Variants in ZNG1E observed in about 807,000 individuals in gnomAD.
ZNG1E encodes the protein Zn regulated GTPase metalloprotein activator 1E.
chr9:65,681,321 G>A, the ZNG1E span, among the ~76,000 whole-genome samples: 7 of 152,240 alleles, frequency 4.6e-5, no homozygotes, highest in Non-Finnish European at 8.8e-5. Flanking sequence ...CAAGTAAGAG[G>A]CCTAAGGAGG....
At chr9:65,691,624 GTTTGA>G in the ZNG1E span, among the ~76,000 whole-genome samples, 3 of 152,254 alleles carry the variant, frequency 2.0e-5, no homozygotes, top group Admixed American at 1.3e-4. Flanking sequence ...ATCCTCTGTT[GTTTGA>G]TTTATGTCCT....
the ZNG1E span, among the ~76,000 whole-genome samples, chr9:65,659,509 AAAAAAGAGAGAGAAAAGAATTCCAACC>A: frequency 6.6e-6 from 1 of 151,098 alleles, no homozygotes; most frequent in African/African-American, 2.5e-5. Flanking sequence ...AAAAAAAAAA[AAAAAAGAGAGAGAAAAGAATTCCAACC>A]CAGAATTCTC....
chr9:65,693,710 A>G, the ZNG1E span, among the ~76,000 whole-genome samples: 2 of 151,456 alleles, frequency 1.3e-5, no homozygotes, highest in African/African-American at 4.8e-5. Flanking sequence ...GGTGCACACC[A>G]CCATGCCCAG....
At chr9:65,720,036 T>A in the ZNG1E span, 2 of 1,598,204 alleles carry the variant, frequency 1.3e-6, no homozygotes, top group African/African-American at 2.9e-5. Context: ...ATCAGTTGTT[T>A]TTAGTTTGCA....
At chr9:65,657,778 T>C in the ZNG1E span, among the ~76,000 whole-genome samples, 2 of 152,288 alleles carry the variant, frequency 1.3e-5, no homozygotes, top group African/African-American at 4.8e-5. Context: ...ACCATTTACC[T>C]GAATTTGGTT....
chr9:65,676,884 A>G, the ZNG1E span, among the ~76,000 whole-genome samples: 1 of 147,136 alleles, frequency 6.8e-6, no homozygotes, highest in Non-Finnish European at 1.5e-5. Context: ...GAACAAATAT[A>G]TGACTGTATT....
At chr9:65,709,691 T>C in the ZNG1E span, among the ~76,000 whole-genome samples, 1 of 138,654 alleles carries the variant, frequency 7.2e-6, no homozygotes, top group Non-Finnish European at 1.5e-5. Flanking sequence ...CTCATCCTTT[T>C]TTATGGCTGC....
chr9:65,693,897 A>C, the ZNG1E span, among the ~76,000 whole-genome samples: 44 of 151,014 alleles, frequency 2.9e-4, no homozygotes, highest in African/African-American at 9.5e-4. Flanking sequence ...TTTTTCCCAA[A>C]TCTTTGCTGA....
the ZNG1E span, among the ~76,000 whole-genome samples, chr9:65,680,719 G>A: frequency 6.6e-6 from 1 of 152,220 alleles, no homozygotes; most frequent in Non-Finnish European, 1.5e-5. Flanking sequence ...TAGATAACAA[G>A]CATTTCAAAT....
the ZNG1E span, chr9:65,703,664 A>T: frequency 1.1e-6 from 1 of 948,246 alleles, no homozygotes; most frequent in Non-Finnish European, 1.2e-6. Context: ...GGCAGCCAGG[A>T]GCTCTGAGGC....
the ZNG1E span, among the ~76,000 whole-genome samples, chr9:65,659,540 AATT>A: frequency 6.6e-6 from 1 of 151,698 alleles, no homozygotes; most frequent in African/African-American, 2.4e-5. Flanking sequence ...TCCAACCCAG[AATT>A]CTCAACTTCA....
At chr9:65,662,045 T>C in the ZNG1E span, among the ~76,000 whole-genome samples, 1 of 152,240 alleles carries the variant, frequency 6.6e-6, no homozygotes, top group Non-Finnish European at 1.5e-5. Flanking sequence ...ACAGTAATTT[T>C]CTTGTGGCAG....
At chr9:65,654,731 A>C in the ZNG1E span, among the ~76,000 whole-genome samples, 1 of 142,602 alleles carries the variant, frequency 7.0e-6, no homozygotes, top group East Asian at 2.0e-4. Context: ...CACATTAGGG[A>C]TGAAATTTCA....
the ZNG1E span, among the ~76,000 whole-genome samples, chr9:65,717,028 T>TA: frequency 1.3e-5 from 2 of 151,968 alleles, no homozygotes; most frequent in African/African-American, 4.9e-5. Flanking sequence ...TAAAAATTCT[T>TA]ATAAATTGTG....
chr9:65,684,764 C>T, the ZNG1E span, among the ~76,000 whole-genome samples: 5 of 152,298 alleles, frequency 3.3e-5, no homozygotes, highest in African/African-American at 9.6e-5. Context: ...TTAATAAGCC[C>T]TTCAGGTGAT....
the ZNG1E span, among the ~76,000 whole-genome samples, chr9:65,728,053 C>CT: frequency 2.0e-5 from 3 of 149,478 alleles, no homozygotes; most frequent in African/African-American, 7.4e-5. Flanking sequence ...ATCAAGCACT[C>CT]TCTCAGACCA....
chr9:65,717,750 C>T, the ZNG1E span, among the ~76,000 whole-genome samples: 27 of 147,948 alleles, frequency 1.8e-4, 4 homozygotes, highest in African/African-American at 5.3e-4. Flanking sequence ...TGCAGTGGTG[C>T]GATGTCAGCT....
At chr9:65,668,533 A>C in the ZNG1E span, among the ~76,000 whole-genome samples, 2 of 150,670 alleles carry the variant, frequency 1.3e-5, no homozygotes, top group African/African-American at 4.9e-5. Context: ...ATGTGTGTGT[A>C]TATATATTTT....
the ZNG1E span, among the ~76,000 whole-genome samples, chr9:65,711,152 T>TG: frequency 7.6e-5 from 3 of 39,584 alleles, no homozygotes; most frequent in Admixed American, 2.4e-4. Flanking sequence ...TTTGGCTCTC[T>TG]TTGTCTGTTG....
Sources: gnomAD v4.1 joint callset for allele counts (sites outside exome capture counted in the v4.1 genomes callset) on GRCh38, gnomAD v4.1.1 for gene constraint, MANE v1.5 for transcripts, NCBI Gene and HGNC (gene_info 2026-07-23, HGNC 2026-07-21) for gene names.